Variants in CACNG5 observed in about 807,000 individuals in gnomAD.
CACNG5 encodes the protein voltage-dependent calcium channel gamma-5 subunit.
Under a neutral mutation model 24.8 loss-of-function variants are expected in CACNG5, and 18 were observed. That is an observed-to-expected ratio of 0.73 (90% CI 0.50 to 1.08). The LOEUF (loss-of-function observed/expected upper bound fraction) is 1.08. Among genes scored for constraint, CACNG5 ranks in the 50% least tolerant of loss-of-function variants. CACNG5 has a pLI of 0.00. For missense variants in CACNG5, 349 were observed against 367.9 expected (o/e 0.95, Z 0.42); for synonymous variants, 157 against 149.1 (o/e 1.05, Z -0.39).
At chr17:66,840,597 C>T (rs1976552152) in intron 1 of CACNG5, among the ~76,000 whole-genome samples, 1 of 152,174 alleles carries the variant, frequency 6.6e-6, no homozygotes, top group Admixed American at 6.5e-5. Context: ...ATTGCAGAGG[C>T]ACATGTCAGA....
chr17:66,859,310 C>A (rs1180013074), intron 1 of CACNG5, among the ~76,000 whole-genome samples: 1 of 152,156 alleles, frequency 6.6e-6, no homozygotes. Context: ...TCTGGACCCC[C>A]AGCAACCTGT....
At chr17:66,849,040 G>A (rs1228971916) in intron 1 of CACNG5, among the ~76,000 whole-genome samples, 2 of 152,198 alleles carry the variant, frequency 1.3e-5, no homozygotes, top group African/African-American at 4.8e-5. Flanking sequence ...CTAGAGCCGG[G>A]AGGCCATGGC....
chr17:66,838,649 C>T (rs1976517174), intron 1 of CACNG5, among the ~76,000 whole-genome samples: 3 of 151,868 alleles, frequency 2.0e-5, no homozygotes, highest in Admixed American at 6.5e-5. Context: ...ACCTATTGGC[C>T]ATGAGCACCC....
chr17:66,845,297 G>T (rs924235401), intron 1 of CACNG5, among the ~76,000 whole-genome samples: 2 of 152,078 alleles, frequency 1.3e-5, no homozygotes, highest in Non-Finnish European at 2.9e-5. Context: ...TGTTAGGGGG[G>T]TGGTGGGCAA....
At chr17:66,841,679 G>A (rs758659) in intron 1 of CACNG5, among the ~76,000 whole-genome samples, 65,030 of 152,020 alleles carry the variant, frequency 0.43, 14,439 homozygotes, top group East Asian at 0.73. Flanking sequence ...ACAGGAGACC[G>A]GGGTTTGAGG....
intron 1 of CACNG5, among the ~76,000 whole-genome samples, chr17:66,849,495 C>T (rs1407758961): frequency 6.6e-6 from 1 of 152,212 alleles, no homozygotes; most frequent in Non-Finnish European, 1.5e-5. Flanking sequence ...AACCCTGAAC[C>T]TTGGGATTAC....
intron 4 of CACNG5, among the ~76,000 whole-genome samples, chr17:66,883,596 T>TC (rs1977197261): frequency 6.6e-6 from 1 of 152,228 alleles, no homozygotes; most frequent in African/African-American, 2.4e-5. Flanking sequence ...AGGAGGTTGG[T>TC]CCCCCCGGCC....
chr17:66,860,558 A>C (rs993295697), intron 1 of CACNG5, among the ~76,000 whole-genome samples: 1 of 152,168 alleles, frequency 6.6e-6, no homozygotes, highest in African/African-American at 2.4e-5. Flanking sequence ...CGATCCTCCA[A>C]AAATGAAGAT....
chr17:66,856,908 A>G (rs1976786053), intron 1 of CACNG5, among the ~76,000 whole-genome samples: 1 of 151,906 alleles, frequency 6.6e-6, no homozygotes, highest in Non-Finnish European at 1.5e-5. Flanking sequence ...TGACCCTAAC[A>G]ACCACTAATC....
chr17:66,879,186 T>C, intron 3 of CACNG5, 128 bp downstream of exon 3: 1 of 622,716 alleles, frequency 1.6e-6, no homozygotes, highest in Non-Finnish European at 2.8e-6. Flanking sequence ...TGTGCTGTCC[T>C]GTTAATTAGA....
In CACNG5 at chr17:66,891,486, C is replaced by T. The variant is rs527737484; in HGVS notation, c.*6246C>T. 3.3e-5 allele frequency among the ~76,000 whole-genome samples: 5 copies of T among 152,290 alleles called. No individual in the cohort carries two copies. Among genetic ancestry groups the T allele is most frequent in the African/African-American group, 1.2e-4 (5 of 41,578 alleles). Reference sequence around the variant, plus strand: ...CTCATTGGTGTGGCAATTGCATCCACTGAGACTTCAGCTAAGGTTGTCACT... The same window carrying T: ...CTCATTGGTGTGGCAATTGCATCCATTGAGACTTCAGCTAAGGTTGTCACT... On this transcript the variant is annotated 3_prime_UTR_variant, in exon 6 of 6. Transcript: ENST00000533854.
At chr17:66,859,544 C>T (rs1976827723) in intron 1 of CACNG5, among the ~76,000 whole-genome samples, 1 of 152,108 alleles carries the variant, frequency 6.6e-6, no homozygotes, top group Non-Finnish European at 1.5e-5. Flanking sequence ...TGAGAATCCT[C>T]CTTGGGCAGC....
At chr17:66,862,068 C>T (rs1976868609) in intron 1 of CACNG5, among the ~76,000 whole-genome samples, 1 of 152,114 alleles carries the variant, frequency 6.6e-6, no homozygotes, top group South Asian at 2.1e-4. Context: ...TGCCCTATGG[C>T]CGAGTTGTGA....
In CACNG5 at chr17:66,885,448, G is replaced by A. The variant is rs1977244523; in HGVS notation, c.*208G>A. On this transcript the variant is annotated 3_prime_UTR_variant, in exon 6 of 6. Transcript: ENST00000533854. Reference sequence around the variant, plus strand: ...GTGGGAGTCTGGAGTCTGTGGGCAAGCTGATTGTCTGGGAACATGGGAGAA... The same window carrying A: ...GTGGGAGTCTGGAGTCTGTGGGCAAACTGATTGTCTGGGAACATGGGAGAA... 9 of 591,366 alleles carry A rather than the reference G, an allele frequency of 1.5e-5. No individual in the cohort carries two copies. The South Asian group carries it at 2.3e-4, about 15-fold the overall frequency. The allele number at this position is 591,366 out of a possible 1,614,324, so 36.6% of individuals were successfully genotyped here.
At chr17:66,876,526 G>A (rs985081239) in intron 1 of CACNG5, among the ~76,000 whole-genome samples, 5 of 152,206 alleles carry the variant, frequency 3.3e-5, no homozygotes, top group East Asian at 1.9e-4. Flanking sequence ...GGCCCCTGCC[G>A]ATACAGCGTG....
chr17:66,854,421 A>C (rs4790901), intron 1 of CACNG5, among the ~76,000 whole-genome samples: 1 of 146,404 alleles, frequency 6.8e-6, no homozygotes. Context: ...GCCAGACTCC[A>C]ACTCAAAAAA....
chr17:66,860,857 A>ATTT (rs34092567), intron 1 of CACNG5, among the ~76,000 whole-genome samples: 8 of 147,174 alleles, frequency 5.4e-5, no homozygotes, highest in African/African-American at 1.5e-4. Flanking sequence ...CTTTCTTGAC[A>ATTT]TTTTTTTTTT....
At chr17:66,835,851 C>G (rs1322714010) in intron 1 of CACNG5, among the ~76,000 whole-genome samples, 1 of 152,140 alleles carries the variant, frequency 6.6e-6, no homozygotes, top group Non-Finnish European at 1.5e-5. Flanking sequence ...GACCCCACCG[C>G]AGGTGCTGGG....
chr17:66,889,773 G>T lies in CACNG5; in HGVS notation c.*4533G>T, dbSNP rs941290125. ...CCCACCGACGTTAGAAAAGGTAATT[G>T]CTTTACTCAGTGTCCACTGATTTAA... On this transcript the variant is annotated 3_prime_UTR_variant, in exon 6 of 6. Coordinates refer to ENST00000533854, the MANE Select transcript of CACNG5 (RefSeq NM_145811.3). Among the ~76,000 whole-genome samples the T allele has an allele frequency of 3.3e-5, 5 of 152,190 alleles. No homozygotes were observed. The highest frequency in any genetic ancestry group is 5.9e-5 in the Non-Finnish European group (4 of 68,038).
Sources: allele counts gnomAD v4.1 joint callset (sites outside exome capture counted in the v4.1 genomes callset), GRCh38; gene constraint gnomAD v4.1.1; transcripts MANE v1.5; gene names NCBI Gene and HGNC (gene_info 2026-07-23, HGNC 2026-07-21).